The following CSMD3 variants were observed in gnomAD, a reference collection of about 807,000 sequenced individuals.
The protein encoded by CSMD3 is CUB and Sushi multiple domains 3, also known as CUB and sushi domain-containing protein 3.
In CSMD3, 177 loss-of-function variants were observed where a neutral mutation model predicts 435.2. The ratio of observed to expected loss-of-function variants is 0.41; its 90% CI spans 0.36 to 0.46. The LOEUF (loss-of-function observed/expected upper bound fraction) is 0.46, where lower values mean the gene tolerates loss of function less well. Ranked by LOEUF, CSMD3 falls within the 20% of genes least tolerant of loss-of-function variation. The pLI is 0.34. For missense variants in CSMD3, 4,265 were observed against 4,504.6 expected (o/e 0.95, Z 1.52); for synonymous variants, 1,656 against 1,520.5 (o/e 1.09, Z -2.07).
intron 30 of CSMD3, among the ~76,000 whole-genome samples, chr8:112,503,235 C>T (rs1175159159): frequency 6.6e-6 from 1 of 152,006 alleles, no homozygotes; most frequent in African/African-American, 2.4e-5. Flanking sequence ...ACGTATGACA[C>T]CCCTCTTGAC....
chr8:112,370,027 GAAGAAGAAGAA>G (rs1828200296), intron 38 of CSMD3, among the ~76,000 whole-genome samples: 1 of 49,872 alleles, frequency 2.0e-5, no homozygotes, highest in Admixed American at 2.6e-4. Flanking sequence ...AGAAGAGGAA[GAAGAAGAAGAA>G]GAAGAAGAAG....
intron 11 of CSMD3, among the ~76,000 whole-genome samples, chr8:112,852,738 C>A (rs972706022): frequency 1.3e-5 from 2 of 151,900 alleles, no homozygotes; most frequent in African/African-American, 2.4e-5. Context: ...CTGGCTAACA[C>A]GGTGAAACCC....
At chr8:112,908,531 TA>T (rs1342627290) in intron 10 of CSMD3, among the ~76,000 whole-genome samples, 1 of 151,560 alleles carries the variant, frequency 6.6e-6, no homozygotes, top group Non-Finnish European at 1.5e-5. Flanking sequence ...ATTGTAATTC[TA>T]AAATGAGCTG....
At chr8:112,683,999 CA>C (rs961536945) in intron 15 of CSMD3, among the ~76,000 whole-genome samples, 93 of 151,318 alleles carry the variant, frequency 6.1e-4, no homozygotes, top group African/African-American at 2.2e-3. Context: ...GATATTTTTT[CA>C]GAAAAAATGA....
chr8:113,012,097 C>T (rs1428887550), intron 6 of CSMD3, among the ~76,000 whole-genome samples: 2 of 151,752 alleles, frequency 1.3e-5, no homozygotes, highest in Non-Finnish European at 2.9e-5. Flanking sequence ...AGAGATTATT[C>T]TCAAATACTA....
In CSMD3 at chr8:113,420,359, G is replaced by T. The variant is rs192870443; in HGVS notation, c.178+16318C>A. Among the ~76,000 whole-genome samples the T allele has an allele frequency of 1.9e-3, 291 of 152,060 alleles. 1 individual carries two copies. The highest frequency in any genetic ancestry group is 6.6e-3 in the African/African-American group (273 of 41,502). On this transcript the variant is annotated intron_variant, in intron 1 of 70. Transcript: ENST00000297405. ...AAATGATTATATAATTTTTCAACAT[G>T]CTGAATTAATAATATTTTCTCAATG...
intron 31 of CSMD3, among the ~76,000 whole-genome samples, chr8:112,477,860 A>C (rs900887816): frequency 2.6e-5 from 4 of 152,194 alleles, no homozygotes; most frequent in Non-Finnish European, 5.9e-5. Context: ...ATTCCTATCA[A>C]GCTGATATGG....
rs151316443 is a variant in CSMD3, at chr8:113,126,777, G to A, written c.710-27814C>T. ...TACAATTAATTTAAAAAACAGCAGA[G>A]GATTCTGTTTACCCTGCAAGCCTCG... On this transcript the variant is annotated intron_variant, in intron 4 of 70. Transcript: ENST00000297405. Among the ~76,000 whole-genome samples the A allele has an allele frequency of 7.9e-3, 1,203 of 151,812 alleles. 5 individuals carry two copies. The highest frequency in any genetic ancestry group is 0.014 in the Middle Eastern group (4 of 292).
At chr8:113,328,417 G>T (rs1449951936) in intron 1 of CSMD3, among the ~76,000 whole-genome samples, 1 of 142,204 alleles carries the variant, frequency 7.0e-6, no homozygotes, top group African/African-American at 2.6e-5. Flanking sequence ...CAGCCTGGGC[G>T]ACAGAGCGAG....
At chr8:113,284,675 A>T (rs772882171) in intron 2 of CSMD3, among the ~76,000 whole-genome samples, 39 of 152,246 alleles carry the variant, frequency 2.6e-4, no homozygotes, top group Admixed American at 3.9e-4. Flanking sequence ...CTTGGACTTA[A>T]CATGTTTTCT....
At chr8:113,229,834 C>T (rs1214084462) in intron 3 of CSMD3, among the ~76,000 whole-genome samples, 2 of 151,524 alleles carry the variant, frequency 1.3e-5, no homozygotes, top group Non-Finnish European at 1.5e-5. Flanking sequence ...AGGTTACTTG[C>T]CCTCATCACA....
chr8:112,442,756 C>T (rs937711391), intron 32 of CSMD3, among the ~76,000 whole-genome samples: 1 of 152,168 alleles, frequency 6.6e-6, no homozygotes, highest in Non-Finnish European at 1.5e-5. Flanking sequence ...GGTAAAACTT[C>T]CGTGTCCCAT....
chr8:113,124,916 A>T (rs1047539353), intron 4 of CSMD3, among the ~76,000 whole-genome samples: 17 of 151,956 alleles, frequency 1.1e-4, no homozygotes, highest in African/African-American at 4.1e-4. Flanking sequence ...CCAGAGTCAT[A>T]TTTCTAAAAT....
At chr8:113,279,514 T>G (rs954107963) in intron 2 of CSMD3, among the ~76,000 whole-genome samples, 1 of 151,756 alleles carries the variant, frequency 6.6e-6, no homozygotes, top group African/African-American at 2.4e-5. Context: ...ATCATTAAGT[T>G]ACTCAAAGTA....
At chr8:112,684,362 C>T (rs927550378) in intron 15 of CSMD3, among the ~76,000 whole-genome samples, 1 of 152,038 alleles carries the variant, frequency 6.6e-6, no homozygotes, top group Admixed American at 6.6e-5. Context: ...TTTGAAAATA[C>T]AACAACTACA....
At chr8:112,568,148 C>T (rs1330817133) in intron 24 of CSMD3, among the ~76,000 whole-genome samples, 1 of 152,132 alleles carries the variant, frequency 6.6e-6, no homozygotes, top group African/African-American at 2.4e-5. Flanking sequence ...GTTTTATATT[C>T]AACAGTATAG....
At chr8:112,780,427 C>T (rs949352732) in intron 13 of CSMD3, among the ~76,000 whole-genome samples, 1 of 152,004 alleles carries the variant, frequency 6.6e-6, no homozygotes, top group African/African-American at 2.4e-5. Flanking sequence ...TAGAATCCTC[C>T]AGTGACCGTC....
chr8:113,067,003 A>T (rs902322862), intron 5 of CSMD3, among the ~76,000 whole-genome samples: 1 of 152,124 alleles, frequency 6.6e-6, no homozygotes, highest in Non-Finnish European at 1.5e-5. Flanking sequence ...AACCTGAAGA[A>T]TCATTTTTAG....
chr8:112,903,388 A>G (rs1055461159), intron 10 of CSMD3, among the ~76,000 whole-genome samples: 2 of 151,164 alleles, frequency 1.3e-5, no homozygotes, highest in African/African-American at 4.8e-5. Context: ...TGTTCCCTAA[A>G]ACATTTGAAT....
Sources: allele counts gnomAD v4.1 joint callset (sites outside exome capture counted in the v4.1 genomes callset), GRCh38; gene constraint gnomAD v4.1.1; transcripts MANE v1.5; gene names NCBI Gene and HGNC (gene_info 2026-07-23, HGNC 2026-07-21).